COL23A1: variants seen among roughly 807,000 people sequenced by gnomAD.
COL23A1 encodes collagen type XXIII alpha 1 chain.
In COL23A1, 97 loss-of-function variants were observed where a neutral mutation model predicts 99.3. That is an observed-to-expected ratio of 0.98 (90% CI 0.83 to 1.16). COL23A1 has a LOEUF of 1.16. COL23A1 is among the 50% of genes most tolerant of loss of function. The probability of loss-of-function intolerance (pLI) is 0.00; values close to 1 mark genes in which losing one functional copy is unlikely to be tolerated. For missense variants in COL23A1, 762 were observed against 757.4 expected, an observed-to-expected ratio of 1.01 and a Z score of -0.07; for synonymous variants, 320 against 308.2, an observed-to-expected ratio of 1.04 and a Z score of -0.40.
intron 1 of COL23A1, among the ~76,000 whole-genome samples, chr5:178,573,248 T>C (rs195808): frequency 0.48 from 72,753 of 152,174 alleles, 20,368 homozygotes; most frequent in African/African-American, 0.78. Context: ...AATCCCAGGC[T>C]GCGGCTTCTA....
chr5:178,352,778 C>T (rs1357846088), intron 2 of COL23A1, among the ~76,000 whole-genome samples: 2 of 152,306 alleles, frequency 1.3e-5, no homozygotes, highest in African/African-American at 4.8e-5. Flanking sequence ...AACATAACTG[C>T]CCCCCAGGGC....
At chr5:178,540,109 G>A (rs1291806263) in intron 2 of COL23A1, among the ~76,000 whole-genome samples, 1 of 152,166 alleles carries the variant, frequency 6.6e-6, no homozygotes, top group African/African-American at 2.4e-5. Context: ...TCTGAGTTCA[G>A]TTATGAAACC....
intron 2 of COL23A1, among the ~76,000 whole-genome samples, chr5:178,454,287 C>T (rs1424641358): frequency 1.3e-5 from 2 of 150,262 alleles, no homozygotes; most frequent in African/African-American, 2.4e-5. Flanking sequence ...TTCATTCAAA[C>T]GTTTTGAAAT....
Position 178,281,661 on chromosome 5 carries a change from C to T in COL23A1, c.441+6663G>A, listed in dbSNP as rs1010765329. Among the ~76,000 whole-genome samples the T allele has an allele frequency of 3.3e-5, 5 of 152,176 alleles. No individual in the cohort carries two copies. The highest frequency in any genetic ancestry group is 9.7e-5 in the African/African-American group (4 of 41,448). ...CAAATTAGTGCAACCGCCTCCTACC[C>T]GCACCCCTTCCTCCAGTTTCTGCCC... On this transcript the variant is annotated intron_variant, in intron 5 of 28. Transcript: ENST00000390654. The surrounding 1 kb of genome is among the most constrained non-coding windows in gnomAD (Gnocchi z 4.0).
chr5:178,486,048 A>G (rs1757610102), intron 2 of COL23A1, among the ~76,000 whole-genome samples: 1 of 152,236 alleles, frequency 6.6e-6, no homozygotes, highest in African/African-American at 2.4e-5. Context: ...CTGTGTTAAA[A>G]TCACTTGGCT....
At position 178,333,534 on chromosome 5, in the gene COL23A1, G is replaced by C. The variant is rs184811124; in HGVS notation, c.362-26615C>G. ...TCCTCACTCCTCTGCCTGGCAACAT[G>C]CCTGTGCGGCCTGGTCCCAGTGATC... is the stretch of plus-strand genomic sequence containing the variant. On this transcript the variant is annotated intron_variant, in intron 2 of 28. Transcript: ENST00000390654. Among the ~76,000 whole-genome samples the C allele has an allele frequency of 2.3e-3, 357 of 152,264 alleles. 2 individuals carry two copies. The highest frequency in any genetic ancestry group is 3.6e-3 in the Non-Finnish European group (243 of 68,014).
At chr5:178,381,674 C>T (rs2910124) in intron 2 of COL23A1, among the ~76,000 whole-genome samples, 31,818 of 152,028 alleles carry the variant, frequency 0.21, 3,915 homozygotes, top group East Asian at 0.42. Flanking sequence ...CTTGCTGTGT[C>T]GCCTACGCTG....
Position 178,302,754 on chromosome 5 carries a change from A to G in COL23A1, c.406+4121T>C, listed in dbSNP as rs188243905. On this transcript the variant is annotated intron_variant, in intron 3 of 28. Transcript: ENST00000390654. ...GGTGTTATCACCTCAAGCAGCTTCA[A>G]TGTTCAACAATTGCTGCTGATTATT... 3.3e-5 allele frequency among the ~76,000 whole-genome samples: 5 copies of G among 152,340 alleles called. 1 individual carries two copies. Among genetic ancestry groups the G allele is most frequent in the South Asian group, 2.1e-4 (1 of 4,832 alleles).
chr5:178,573,411 C>T (rs921935490), intron 1 of COL23A1, among the ~76,000 whole-genome samples: 4 of 152,202 alleles, frequency 2.6e-5, no homozygotes, highest in Non-Finnish European at 2.9e-5. Context: ...CCGCACTTGG[C>T]AGGAGCCACT....
intron 2 of COL23A1, among the ~76,000 whole-genome samples, chr5:178,326,794 A>G (rs962821639): frequency 6.6e-6 from 1 of 152,238 alleles, no homozygotes; most frequent in Non-Finnish European, 1.5e-5. Flanking sequence ...ATTTCGGCTC[A>G]CTGCAACCTC....
intron 2 of COL23A1, among the ~76,000 whole-genome samples, chr5:178,323,876 G>T (rs1360961167): frequency 2.6e-5 from 4 of 152,208 alleles, no homozygotes; most frequent in Non-Finnish European, 5.9e-5. Context: ...TGAAGCAAAA[G>T]AGGCTCACAG....
intron 2 of COL23A1, among the ~76,000 whole-genome samples, chr5:178,427,655 A>C (rs1460610775): frequency 6.6e-6 from 1 of 152,220 alleles, no homozygotes; most frequent in Non-Finnish European, 1.5e-5. Context: ...TCAAGCCAGG[A>C]ACAGACATGG....
In COL23A1 at chr5:178,308,238, G is replaced by A. The variant is rs1391325599; in HGVS notation, c.362-1319C>T. 1.3e-5 allele frequency among the ~76,000 whole-genome samples: 2 copies of A among 152,136 alleles called. No individual in the cohort carries two copies. The highest frequency in any genetic ancestry group is 2.9e-5 in the Non-Finnish European group (2 of 68,034). On this transcript the variant is annotated intron_variant, in intron 2 of 28. Transcript: ENST00000390654. This position sits in a 1 kb window ranked among gnomAD's most constrained non-coding sequence, Gnocchi z 5.1. ...GAGAAGAGATCCCTTCAGGTGGAGA[G>A]GGGCCCTCAGTGCTACACGACACGT... is the stretch of plus-strand genomic sequence containing the variant.
intron 2 of COL23A1, among the ~76,000 whole-genome samples, chr5:178,393,079 C>T (rs891834768): frequency 3.3e-5 from 5 of 152,208 alleles, no homozygotes; most frequent in African/African-American, 7.2e-5. Flanking sequence ...CAAGCTCAGG[C>T]CTTCGAACTC....
In COL23A1 at chr5:178,431,757, A is replaced by G. The variant is rs112075199; in HGVS notation, c.362-124838T>C. ...ATTGCAAACTTCCGGCCTCAGGAACATTAAGAGACTAGATCTGTGTTGTGT... is the reference window on the plus strand; with the variant it reads ...ATTGCAAACTTCCGGCCTCAGGAACGTTAAGAGACTAGATCTGTGTTGTGT... On this transcript the variant is annotated intron_variant, in intron 2 of 28. Transcript: ENST00000390654. 1.6e-3 allele frequency among the ~76,000 whole-genome samples: 241 copies of G among 152,366 alleles called. 1 individual carries two copies. The highest frequency in any genetic ancestry group is 5.3e-3 in the African/African-American group (222 of 41,580).
Position 178,256,397 on chromosome 5 carries a change from CCT to C in COL23A1, c.838-2_838-1del. The stretch of plus-strand genomic sequence containing the variant: ...TCCGTGCCTCGGTGGCCAGGCTCCC[CCT>C]GTGGAGACATGCATTTGCAGCCAGA... On this transcript the variant is annotated splice_acceptor_variant, in intron 14 of 28. Transcript: ENST00000390654. LOFTEE classifies it high-confidence loss of function. 1 of 1,606,624 alleles carries C rather than the reference CCT, an allele frequency of 6.2e-7. No homozygotes were observed. The highest frequency in any genetic ancestry group is 8.5e-7 in the Non-Finnish European group (1 of 1,176,010).
intron 2 of COL23A1, among the ~76,000 whole-genome samples, chr5:178,469,496 G>C (rs1222467249): frequency 1.3e-5 from 2 of 152,078 alleles, no homozygotes; most frequent in Admixed American, 6.5e-5. Flanking sequence ...TTCTGCAGGT[G>C]CATCAGTTCC....
At chr5:178,511,562 A>T (rs1233873708) in intron 2 of COL23A1, among the ~76,000 whole-genome samples, 1 of 152,228 alleles carries the variant, frequency 6.6e-6, no homozygotes, top group Non-Finnish European at 1.5e-5. Context: ...GCTCATAGGG[A>T]ATCTCTAGTT....
intron 2 of COL23A1, among the ~76,000 whole-genome samples, chr5:178,378,581 G>A (rs1763205844): frequency 1.3e-5 from 2 of 152,230 alleles, no homozygotes; most frequent in African/African-American, 4.8e-5. Context: ...AGAGGGAGAA[G>A]GTGGCGTGGA....
Sources: allele counts gnomAD v4.1 joint callset (sites outside exome capture counted in the v4.1 genomes callset), GRCh38; gene constraint gnomAD v4.1.1; non-coding constraint Gnocchi (gnomAD v3.1); transcripts MANE v1.5; gene names NCBI Gene and HGNC (gene_info 2026-07-23, HGNC 2026-07-21).